The following NOTCH2NLB variants were observed in gnomAD, a reference collection of about 807,000 sequenced individuals.
NOTCH2NLB encodes notch homolog 2 N-terminal-like protein B.
In NOTCH2NLB, 1 loss-of-function variant was observed where a neutral mutation model predicts 14.8. The observed-to-expected ratio is 0.07, with a 90% CI of 0.02 to 0.32. The LOEUF is 0.32. NOTCH2NLB is among the 10% of genes least tolerant of loss of function. The pLI, the probability that NOTCH2NLB is intolerant of heterozygous loss-of-function variation, is 1.00. For synonymous variants in NOTCH2NLB, 6 were observed against 57.5 expected, an observed-to-expected ratio of 0.10 and a Z score of 4.05; for missense variants, 11 against 155.0, an observed-to-expected ratio of 0.07 and a Z score of 4.93.
At chr1:148,660,539 C>G (rs1326258493) in intron 1 of NOTCH2NLB, among the ~76,000 whole-genome samples, 1 of 146,324 alleles carries the variant, frequency 6.8e-6, no homozygotes, top group South Asian at 2.2e-4. Flanking sequence ...CTCATGGGGT[C>G]TCTGTCTCAG....
chr1:148,637,130 G>A lies in NOTCH2NLB; in HGVS notation c.77+2886C>T, dbSNP rs1365490613. Among the ~76,000 whole-genome samples the A allele has an allele frequency of 4.3e-5, 6 of 139,264 alleles. 1 individual carries two copies. Among genetic ancestry groups the A allele is most frequent in the Non-Finnish European group, 9.3e-5 (6 of 64,212 alleles). The allele number at this position is 139,264 out of a possible 152,430, so 91.4% of individuals were successfully genotyped here. A position where few individuals can be genotyped will look rare whatever the true frequency, so the allele number is the denominator to read the frequency against. ...GTCGCTCAGGCTGGAGTGCAGTGGT[G>A]CAATCTTGGCTCACTGCAAGCTCTG... On this transcript the variant is annotated intron_variant, in intron 2 of 4. Transcript: ENST00000593495.
At chr1:148,633,314 G>A (rs2149613101) in intron 2 of NOTCH2NLB, among the ~76,000 whole-genome samples, 1 of 118,930 alleles carries the variant, frequency 8.4e-6, no homozygotes, top group South Asian at 3.0e-4. Flanking sequence ...AGCACTTTGG[G>A]AGGCCGAGGC....
chr1:148,625,648 C>T (rs1663967183), intron 2 of NOTCH2NLB, among the ~76,000 whole-genome samples: 1 of 120,066 alleles, frequency 8.3e-6, no homozygotes, highest in African/African-American at 3.7e-5. Flanking sequence ...TCTTCTTGCA[C>T]TGGGCCTCTT....
intron 2 of NOTCH2NLB, among the ~76,000 whole-genome samples, chr1:148,627,655 G>A (rs1380326000): frequency 6.6e-6 from 1 of 151,778 alleles, no homozygotes; most frequent in African/African-American, 2.4e-5. Flanking sequence ...CCTTCTCATG[G>A]CTAAGCCCTA....
intron 2 of NOTCH2NLB, among the ~76,000 whole-genome samples, chr1:148,624,746 C>T: frequency 4.8e-4 from 1 of 2,082 alleles, no homozygotes; most frequent in Admixed American, 3.1e-3. Flanking sequence ...ATGGTGAGAA[C>T]CCCATCTCAA....
the NOTCH2NLB span, among the ~76,000 whole-genome samples, chr1:148,688,083 TAAC>T: frequency 0.019 from 2,029 of 107,488 alleles, 46 homozygotes; most frequent in African/African-American, 0.068. Context: ...AAACAAACAA[TAAC>T]AACAACAACA....
At chr1:148,625,412 T>A (rs1663959719) in intron 2 of NOTCH2NLB, among the ~76,000 whole-genome samples, 1 of 87,818 alleles carries the variant, frequency 1.1e-5, no homozygotes, top group African/African-American at 5.5e-5. Flanking sequence ...CAAAGCAAAA[T>A]CCCACCACAT....
intron 3 of NOTCH2NLB, among the ~76,000 whole-genome samples, chr1:148,613,329 T>C (rs1245696021): frequency 1.4e-5 from 2 of 145,662 alleles, no homozygotes; most frequent in Admixed American, 7.0e-5. Context: ...GGTAGATTTG[T>C]GGTGGTTAAA....
At position 148,633,133 on chromosome 1, in the gene NOTCH2NLB, A is replaced by G. The variant is rs1664142635; in HGVS notation, c.77+6883T>C. 1.6e-5 allele frequency among the ~76,000 whole-genome samples: 2 copies of G among 126,958 alleles called. 1 individual carries two copies. Among genetic ancestry groups the G allele is most frequent in the Non-Finnish European group, 3.2e-5 (2 of 61,782 alleles). The allele number at this position is 126,958 out of a possible 152,430, so 83.3% of individuals were successfully genotyped here. On this transcript the variant is annotated intron_variant, in intron 2 of 4. Coordinates refer to ENST00000593495, the Ensembl canonical transcript of NOTCH2NLB. ...GATCTGAAAAGTCCCCTTTTTGTAT[A>G]CTTTCAAATTGAGAACAGACCCTAA...
intron 1 of NOTCH2NLB, among the ~76,000 whole-genome samples, chr1:148,651,162 A>AATATAT (rs1218372509): frequency 9.1e-4 from 42 of 45,972 alleles, no homozygotes; most frequent in East Asian, 1.8e-3. Flanking sequence ...AAAAAAAAAA[A>AATATAT]ATATATATAT....
At chr1:148,630,869 CAG>C (rs1329899773) in intron 2 of NOTCH2NLB, among the ~76,000 whole-genome samples, 2 of 120,370 alleles carry the variant, frequency 1.7e-5, no homozygotes, top group Non-Finnish European at 3.3e-5. Context: ...CATTCACTGT[CAG>C]ACAGTCTCTG....
chr1:148,608,214 C>G (rs1191420339), intron 3 of NOTCH2NLB, among the ~76,000 whole-genome samples: 2 of 136,086 alleles, frequency 1.5e-5, no homozygotes, highest in Admixed American at 6.9e-5. Flanking sequence ...TGGTGAAACC[C>G]TGTCTCTACT....
chr1:148,607,559 A>G lies in NOTCH2NLB; in HGVS notation c.524T>C (p.Leu175Pro). 3.2e-6 allele frequency: 5 copies of G among 1,575,630 alleles called. 1 individual carries two copies. Among genetic ancestry groups the G allele is most frequent in the Non-Finnish European group, 4.3e-6 (5 of 1,159,818 alleles). ...GCACTGGCACTGGTAGGAACCAGGC[A>G]GGTTGAGGCAGATGCCACCATGCTG... The change falls in exon 4 of 5, where the codon CTG (leucine) becomes CCG (proline). Residue 175 changes from leucine to proline, a missense_variant. By Grantham distance (98) the Leu-to-Pro change is moderately conservative (BLOSUM62 -3). Transcript: ENST00000593495.
At chr1:148,670,122 T>C (rs1488115608) in intron 1 of NOTCH2NLB, among the ~76,000 whole-genome samples, 2 of 88,314 alleles carry the variant, frequency 2.3e-5, no homozygotes, top group Middle Eastern at 5.5e-3. Flanking sequence ...ACCAATATCA[T>C]TAGAAACCAA....
intron 1 of NOTCH2NLB, among the ~76,000 whole-genome samples, chr1:148,661,597 G>A (rs1664687696): frequency 6.7e-6 from 1 of 149,924 alleles, no homozygotes; most frequent in Admixed American, 6.7e-5. Context: ...TTCTATCAAA[G>A]CTCTTCTCAG....
chr1:148,610,973 A>T (rs1428635383), intron 3 of NOTCH2NLB, among the ~76,000 whole-genome samples: 8 of 35,910 alleles, frequency 2.2e-4, no homozygotes, highest in Non-Finnish European at 2.4e-4. Flanking sequence ...CAAAGGAAGA[A>T]GTTTTAATTT....
chr1:148,602,276 A>AG (rs1398078879), downstream of NOTCH2NLB, among the ~76,000 whole-genome samples: 7 of 62,138 alleles, frequency 1.1e-4, no homozygotes, highest in South Asian at 8.1e-4. Context: ...AAAAAAAAAA[A>AG]AAAAGAAAAG....
downstream of NOTCH2NLB, among the ~76,000 whole-genome samples, chr1:148,605,457 G>A (rs1254323904): frequency 6.9e-6 from 1 of 144,184 alleles, no homozygotes; most frequent in Non-Finnish European, 1.5e-5. Flanking sequence ...CACACCATCA[G>A]TGAGTAAATA....
Position 148,610,323 on chromosome 1 carries a change from G to GAGAAAGAAAGAAAGAAAGAA in NOTCH2NLB, c.338-2598_338-2579dup, listed in dbSNP as rs1294416962. On this transcript the variant is annotated intron_variant, in intron 3 of 4. Coordinates refer to ENST00000593495, the Ensembl canonical transcript of NOTCH2NLB. The stretch of plus-strand genomic sequence containing the variant: ...AAAGAGAGAGAAAGAGAGAAAGAGA[G>GAGAAAGAAAGAAAGAAAGAA]AGAAAGAAAGAAAGAAAGAAAGAAA... 3.8e-3 allele frequency among the ~76,000 whole-genome samples: 173 copies of GAGAAAGAAAGAAAGAAAGAA among 45,568 alleles called. 11 individuals carry two copies. The highest frequency in any genetic ancestry group is 8.1e-3 in the East Asian group (15 of 1,852). The allele number at this position is 45,568 out of a possible 152,430, so 29.9% of individuals were successfully genotyped here.
Sources: gnomAD v4.1 joint callset for allele counts (sites outside exome capture counted in the v4.1 genomes callset) on GRCh38, gnomAD v4.1.1 for gene constraint, MANE v1.5 for transcripts, NCBI Gene and HGNC (gene_info 2026-07-23, HGNC 2026-07-21) for gene names.